KIRREL3: variants seen among roughly 807,000 people sequenced by gnomAD.
KIRREL3 encodes kirre like nephrin family adhesion molecule 3.
A neutral mutation model predicts 89.7 loss-of-function variants in KIRREL3; 36 were observed. The ratio of observed to expected loss-of-function variants is 0.40; its 90% CI spans 0.31 to 0.53. The LOEUF (loss-of-function observed/expected upper bound fraction) is 0.53, where lower values mean the gene tolerates loss of function less well. Ranked by LOEUF, KIRREL3 falls within the 20% of genes least tolerant of loss-of-function variation. The pLI, the probability that KIRREL3 is intolerant of heterozygous loss-of-function variation, is 0.49. For missense variants in KIRREL3, 864 were observed against 1,056.6 expected (o/e 0.82, Z 2.53); for synonymous variants, 445 against 441.4 (o/e 1.01, Z -0.10).
chr11:126,502,167 C>T lies in KIRREL3; in HGVS notation c.433+19148G>A, dbSNP rs1051747935. Among the ~76,000 whole-genome samples, 3 of 152,242 alleles carry T rather than the reference C, an allele frequency of 2.0e-5. No homozygotes were observed. The South Asian group carries it at 6.2e-4, about 31-fold the overall frequency. On this transcript the variant is annotated intron_variant, in intron 4 of 16. Coordinates refer to ENST00000525144, the MANE Select transcript of KIRREL3 (RefSeq NM_032531.4). Reference sequence around the variant, plus strand: ...GCCTCCCCTTAATTGTCAGCTGCTGCATATGAATCCAGGTTCAGCCATTCA... The same window carrying T: ...GCCTCCCCTTAATTGTCAGCTGCTGTATATGAATCCAGGTTCAGCCATTCA...
At chr11:126,456,483 C>A (rs755643505) in intron 6 of KIRREL3, 29 bp from the exon 7 acceptor site, 6 of 1,442,446 alleles carry the variant, frequency 4.2e-6, no homozygotes, top group African/African-American at 1.4e-5. Context: ...CACTTGTAGA[C>A]CGGAGAAAGA....
Position 126,564,098 on chromosome 11 carries a change from G to A in KIRREL3, c.56-1186C>T, listed in dbSNP as rs1230766473. Among the ~76,000 whole-genome samples, 1 of 152,224 alleles carries A rather than the reference G, an allele frequency of 6.6e-6. No homozygotes were observed. The highest frequency in any genetic ancestry group is 2.4e-5 in the African/African-American group (1 of 41,448). On this transcript the variant is annotated intron_variant, in intron 1 of 16. Transcript: ENST00000525144. The surrounding 1 kb of genome is among the most constrained non-coding windows in gnomAD (Gnocchi z 7.4). Reference sequence around the variant, plus strand: ...GGGAATATGACTGCAGCTCTTCCTGGCCCTTGCCAGGGTTTCTGGGCTCCT... The same window carrying A: ...GGGAATATGACTGCAGCTCTTCCTGACCCTTGCCAGGGTTTCTGGGCTCCT...
chr11:126,582,474 A>G (rs4937154), intron 1 of KIRREL3, among the ~76,000 whole-genome samples: 36,627 of 152,182 alleles, frequency 0.24, 4,807 homozygotes, highest in East Asian at 0.58. Context: ...ATCCTCTGCT[A>G]TAGCGGAAGA....
At chr11:126,511,755 G>A (rs1216873717) in intron 4 of KIRREL3, among the ~76,000 whole-genome samples, 1 of 152,222 alleles carries the variant, frequency 6.6e-6, no homozygotes, top group Non-Finnish European at 1.5e-5. Flanking sequence ...CGGGGGGAAG[G>A]CTTCCATTTA....
intron 1 of KIRREL3, among the ~76,000 whole-genome samples, chr11:126,889,046 T>C (rs1413918074): frequency 1.3e-5 from 2 of 152,198 alleles, no homozygotes; most frequent in Non-Finnish European, 2.9e-5. Flanking sequence ...GTAACAGATT[T>C]ACTGAAGTAT....
rs1950053201 is a variant in KIRREL3, at chr11:126,772,665, T to G, written c.56-209753A>C. On this transcript the variant is annotated intron_variant, in intron 1 of 16. Transcript: ENST00000525144. This position sits in a 1 kb window ranked among gnomAD's most constrained non-coding sequence, Gnocchi z 4.6. ...TCAAAAAGCATCCCTCTCCTGGTAC[T>G]CATGCCCACCCCCTAACTGCCTCAG... Among the ~76,000 whole-genome samples the G allele has an allele frequency of 6.6e-6, 1 of 152,176 alleles. No homozygotes were observed. Among genetic ancestry groups the G allele is most frequent in the South Asian group, 2.1e-4 (1 of 4,824 alleles).
Position 126,537,602 on chromosome 11 carries a change from C to G in KIRREL3, c.134-10915G>C, listed in dbSNP as rs189401025. ...CACCTGTCGGAGCCTGGGTCCTGGA[C>G]AGTAGGAAGAACACAGGGTCAGTCA... is the stretch of plus-strand genomic sequence containing the variant. On this transcript the variant is annotated intron_variant, in intron 2 of 16. Transcript: ENST00000525144. This position sits in a 1 kb window ranked among gnomAD's most constrained non-coding sequence, Gnocchi z 4.3. Among the ~76,000 whole-genome samples the G allele has an allele frequency of 2.0e-4, 30 of 152,278 alleles. No individual in the cohort carries two copies. Among genetic ancestry groups the G allele is most frequent in the East Asian group, 9.7e-4 (5 of 5,172 alleles).
Position 126,750,117 on chromosome 11 carries a change from A to T in KIRREL3, c.56-187205T>A, listed in dbSNP as rs57532066. Among the ~76,000 whole-genome samples, 25,518 of 152,150 alleles carry T rather than the reference A, an allele frequency of 0.17. 2,208 individuals are homozygous for T. The highest frequency in any genetic ancestry group is 0.18 in the African/African-American group (7,606 of 41,498). ...ATATTGAAAATAATGGATGGAATAA[A>T]TAAGTGCCTTGCACATAGTAGGCAC... On this transcript the variant is annotated intron_variant, in intron 1 of 16. Transcript: ENST00000525144. This position sits in a 1 kb window ranked among gnomAD's most constrained non-coding sequence, Gnocchi z 4.2.
chr11:126,613,496 TCCCC>T (rs1368607679), intron 1 of KIRREL3, among the ~76,000 whole-genome samples: 2 of 152,028 alleles, frequency 1.3e-5, no homozygotes, highest in Non-Finnish European at 2.9e-5. Flanking sequence ...TGCAATTACC[TCCCC>T]CTGCTTGGAC....
chr11:126,855,044 C>T (rs1469364654), intron 1 of KIRREL3, among the ~76,000 whole-genome samples: 1 of 152,208 alleles, frequency 6.6e-6, no homozygotes, highest in Non-Finnish European at 1.5e-5. Flanking sequence ...AGGGCAGAGG[C>T]AGGAGTCATC....
intron 2 of KIRREL3, among the ~76,000 whole-genome samples, chr11:126,559,806 G>C (rs1939975177): frequency 6.6e-6 from 1 of 151,962 alleles, no homozygotes; most frequent in South Asian, 2.1e-4. Context: ...AGTAGCTGGG[G>C]CTACAGGTGC....
intron 1 of KIRREL3, among the ~76,000 whole-genome samples, chr11:126,629,673 G>T (rs1943937403): frequency 6.6e-6 from 1 of 152,216 alleles, no homozygotes; most frequent in Non-Finnish European, 1.5e-5. Flanking sequence ...CCAATGAGGA[G>T]GCCTTGGCAG....
At chr11:126,580,077 C>G (rs914640009) in intron 1 of KIRREL3, among the ~76,000 whole-genome samples, 1 of 152,128 alleles carries the variant, frequency 6.6e-6, no homozygotes, top group Non-Finnish European at 1.5e-5. Flanking sequence ...GATCTCCTGA[C>G]CTCGTGATCC....
At chr11:126,670,371 G>A (rs530576184) in intron 1 of KIRREL3, among the ~76,000 whole-genome samples, 2 of 152,292 alleles carry the variant, frequency 1.3e-5, no homozygotes, top group East Asian at 3.9e-4. Context: ...GAGACTGAAT[G>A]CTTTTGTCCT....
intron 2 of KIRREL3, among the ~76,000 whole-genome samples, chr11:126,560,483 A>G (rs1940038422): frequency 6.6e-6 from 1 of 152,162 alleles, no homozygotes; most frequent in Admixed American, 6.5e-5. Flanking sequence ...CAATTACTCT[A>G]ACTTATGATA....
chr11:126,976,074 G>C lies in KIRREL3; in HGVS notation c.55+24381C>G, dbSNP rs1462473253. On this transcript the variant is annotated intron_variant, in intron 1 of 16. Coordinates refer to ENST00000525144, the MANE Select transcript of KIRREL3 (RefSeq NM_032531.4). This position sits in a 1 kb window ranked among gnomAD's most constrained non-coding sequence, Gnocchi z 4.2. Reference sequence around the variant, plus strand: ...CACATCAGCAGAGGGTGCCATGGGGGTGTTAGCATCTTCCAGATGAACACA... The same window carrying C: ...CACATCAGCAGAGGGTGCCATGGGGCTGTTAGCATCTTCCAGATGAACACA... Among the ~76,000 whole-genome samples, 5 of 151,874 alleles carry C rather than the reference G, an allele frequency of 3.3e-5. No homozygotes were observed. The East Asian group carries it at 5.8e-4, about 18-fold the overall frequency.
chr11:126,580,430 G>A lies in KIRREL3; in HGVS notation c.56-17518C>T, dbSNP rs117895948. Reference sequence around the variant, plus strand: ...GGACAGCAGGAGGACATTCTAGGAGGAGGAATGGCTTGAGCCAAGGGTTCA... The same window carrying A: ...GGACAGCAGGAGGACATTCTAGGAGAAGGAATGGCTTGAGCCAAGGGTTCA... On this transcript the variant is annotated intron_variant, in intron 1 of 16. Transcript: ENST00000525144. 2.6e-4 allele frequency among the ~76,000 whole-genome samples: 40 copies of A among 152,280 alleles called. No individual in the cohort carries two copies. The East Asian group carries it at 3.9e-3, about 15-fold the overall frequency.
chr11:126,591,387 C>T (rs757360965), intron 1 of KIRREL3, among the ~76,000 whole-genome samples: 2 of 152,192 alleles, frequency 1.3e-5, no homozygotes, highest in Non-Finnish European at 2.9e-5. Flanking sequence ...AGGGTGAAAT[C>T]CTGTGTGTTC....
At chr11:126,548,258 C>T (rs528502847) in intron 2 of KIRREL3, among the ~76,000 whole-genome samples, 1 of 152,352 alleles carries the variant, frequency 6.6e-6, no homozygotes, top group Non-Finnish European at 1.5e-5. Context: ...CTGACTCTCT[C>T]AGTGCCCACT....
Sources: gnomAD v4.1 joint callset for allele counts (sites outside exome capture counted in the v4.1 genomes callset) on GRCh38, gnomAD v4.1.1 for gene constraint, Gnocchi (gnomAD v3.1) non-coding constraint, MANE v1.5 for transcripts, NCBI Gene and HGNC (gene_info 2026-07-23, HGNC 2026-07-21) for gene names.